VPS35L: variants seen among roughly 807,000 people sequenced by gnomAD.
VPS35L encodes VPS35 endosomal protein-sorting factor-like.
VPS35L carries 83 observed loss-of-function variants against 133.0 expected under a neutral mutation model. The ratio of observed to expected loss-of-function variants is 0.62; its 90% CI spans 0.52 to 0.75. The LOEUF (loss-of-function observed/expected upper bound fraction) is 0.75. Among genes scored for constraint, VPS35L ranks in the 30% least tolerant of loss-of-function variants. The probability of loss-of-function intolerance (pLI) is 0.00; values close to 1 mark genes in which losing one functional copy is unlikely to be tolerated. For synonymous variants in VPS35L, 423 were observed against 449.9 expected (o/e 0.94, Z 0.76); for missense variants, 1,083 against 1,206.8 (o/e 0.90, Z 1.52).
At chr16:19,605,808 T>G (rs937817740) in intron 9 of VPS35L, among the ~76,000 whole-genome samples, 2 of 152,216 alleles carry the variant, frequency 1.3e-5, no homozygotes, top group African/African-American at 4.8e-5. Flanking sequence ...TGTTAGATAT[T>G]ATCTTATTTG....
At chr16:19,687,008 T>C (rs1026946657) in intron 28 of VPS35L, among the ~76,000 whole-genome samples, 2 of 152,092 alleles carry the variant, frequency 1.3e-5, no homozygotes, top group Admixed American at 1.3e-4. Context: ...CTCAAATACC[T>C]CTGCACACTA....
chr16:19,588,061 A>G (rs1039270023), intron 7 of VPS35L, among the ~76,000 whole-genome samples: 2 of 151,102 alleles, frequency 1.3e-5, no homozygotes, highest in Non-Finnish European at 2.9e-5. Flanking sequence ...CGGCCTCCCA[A>G]AGTGCTGGGA....
At chr16:19,583,157 T>A (rs1971762077) in intron 7 of VPS35L, among the ~76,000 whole-genome samples, 2 of 152,192 alleles carry the variant, frequency 1.3e-5, no homozygotes, top group South Asian at 4.1e-4. Context: ...TTTTTTTTAC[T>A]TAACTTATAG....
At chr16:19,679,496 TTTATTTATTTATTTA>T (rs1975187945) in intron 27 of VPS35L, among the ~76,000 whole-genome samples, 4 of 143,728 alleles carry the variant, frequency 2.8e-5, no homozygotes, top group African/African-American at 1.1e-4. Flanking sequence ...TATTTATTTA[TTTATTTATTTATTTA>T]TTTATTTTTT....
chr16:19,575,267 G>T (rs1971494268), intron 5 of VPS35L, 145 bp downstream of exon 5: 5 of 759,352 alleles, frequency 6.6e-6, no homozygotes, highest in Non-Finnish European at 1.1e-5. Flanking sequence ...GATAGACGTA[G>T]AAATAAAATA....
At chr16:19,622,140 C>CTTTTTTTTT (rs60521137) in intron 14 of VPS35L, among the ~76,000 whole-genome samples, 3,518 of 107,678 alleles carry the variant, frequency 0.033, 156 homozygotes, top group East Asian at 0.076. Context: ...CCATGTATAT[C>CTTTTTTTTT]TTTTTTTTTT....
intron 26 of VPS35L, among the ~76,000 whole-genome samples, chr16:19,663,919 T>C (rs899779798): frequency 8.5e-5 from 13 of 152,098 alleles, no homozygotes; most frequent in Non-Finnish European, 1.9e-4. Context: ...TTGTGACATA[T>C]ATTTTGGAGT....
At chr16:19,693,999 A>G (rs1037682110) in intron 29 of VPS35L, 6 of 152,004 alleles carry the variant, frequency 3.9e-5, no homozygotes, top group Non-Finnish European at 7.3e-5. Context: ...AATAAAAGGG[A>G]ATAAGTTCTA....
chr16:19,617,989 G>A (rs1004334818), intron 14 of VPS35L: 1 of 150,700 alleles, frequency 6.6e-6, no homozygotes, highest in African/African-American at 2.4e-5. Flanking sequence ...TCAGGAGGCT[G>A]AGGCAGAGAA....
intron 3 of VPS35L, among the ~76,000 whole-genome samples, chr16:19,570,342 C>T (rs1037800819): frequency 1.3e-5 from 2 of 152,070 alleles, no homozygotes; most frequent in Non-Finnish European, 2.9e-5. Context: ...GGATTACAGG[C>T]GTGAGCCACT....
chr16:19,557,375 G>T (rs892808398), intron 1 of VPS35L, among the ~76,000 whole-genome samples: 1 of 152,048 alleles, frequency 6.6e-6, no homozygotes, highest in African/African-American at 2.4e-5. Flanking sequence ...TCCTAATATG[G>T]CCGTGCTCTA....
intron 18 of VPS35L, among the ~76,000 whole-genome samples, chr16:19,632,804 G>A (rs1973498600): frequency 1.3e-5 from 2 of 152,258 alleles, no homozygotes; most frequent in South Asian, 4.1e-4. Flanking sequence ...ACAGGCAGGT[G>A]GAGAGAGGCA....
Position 19,572,230 on chromosome 16 carries a change from C to T in VPS35L, c.286-889C>T, listed in dbSNP as rs577357894. 3.3e-5 allele frequency among the ~76,000 whole-genome samples: 5 copies of T among 152,240 alleles called. No individual in the cohort carries two copies. The East Asian group carries it at 9.7e-4, about 29-fold the overall frequency. ...GTCAGGAATTCGAGACCAGCCGGAC[C>T]AACGTGGTGAAACACCATCTCTACT... On this transcript the variant is annotated intron_variant, in intron 3 of 30. Coordinates refer to ENST00000417362, the MANE Select transcript of VPS35L (RefSeq NM_020314.7).
intron 29 of VPS35L, among the ~76,000 whole-genome samples, chr16:19,698,578 C>T (rs1036427330): frequency 6.6e-6 from 1 of 152,138 alleles, no homozygotes; most frequent in African/African-American, 2.4e-5. Context: ...TAGGAGTGTA[C>T]CTGCCACGGA....
At chr16:19,641,323 T>G (rs900031175) in intron 21 of VPS35L, among the ~76,000 whole-genome samples, 4 of 151,604 alleles carry the variant, frequency 2.6e-5, no homozygotes, top group Non-Finnish European at 4.4e-5. Flanking sequence ...CGCCTCGGCC[T>G]CCCAAAGTGC....
intron 23 of VPS35L, 143 bp downstream of exon 23, chr16:19,645,092 T>A (rs1307024055): frequency 1.8e-6 from 1 of 571,116 alleles, no homozygotes; most frequent in African/African-American, 1.9e-5. Context: ...ACATCTTACA[T>A]TAGCCAGGAC....
At position 19,622,084 on chromosome 16, in the gene VPS35L, G is replaced by A. The variant is rs547527630; in HGVS notation, c.1225-4093G>A. ...ACCCTCAGTGTCTGGAACAGTGGCT[G>A]GTATAGTCATCCCTTGGTATACTTA... On this transcript the variant is annotated intron_variant, in intron 14 of 30. Coordinates refer to ENST00000417362, the MANE Select transcript of VPS35L (RefSeq NM_020314.7). Among the ~76,000 whole-genome samples the A allele has an allele frequency of 9.9e-5, 15 of 151,032 alleles. No individual in the cohort carries two copies. In the South Asian group the frequency reaches 3.2e-3, roughly 32 times the overall value.
intron 8 of VPS35L, among the ~76,000 whole-genome samples, chr16:19,597,098 C>T (rs895346237): frequency 2.6e-5 from 4 of 151,868 alleles, no homozygotes; most frequent in African/African-American, 9.7e-5. Flanking sequence ...TGGTGACTCA[C>T]ACCTGTAATC....
rs779559790 is a variant in VPS35L at position 19,581,596 on chromosome 16, G to A, written c.582G>A (p.Ser194=). Reference sequence around the variant, plus strand: ...ACCGCATAGAGGAGCTCAACCAATCGCTGAAGGATGCCTGGGCCTCAGACC... The same window carrying A: ...ACCGCATAGAGGAGCTCAACCAATCACTGAAGGATGCCTGGGCCTCAGACC... ...YVNRIEELNQ[S]LKDAWASDQK... is the part of the protein sequence containing the mutation. Residue 194 remains serine (S), a synonymous_variant, in exon 7 of 31, where the codon TCG becomes TCA. Transcript: ENST00000417362. 7 of 1,613,936 alleles carry A rather than the reference G, an allele frequency of 4.3e-6. No homozygotes were observed. The highest frequency in any genetic ancestry group is 1.1e-5 in the South Asian group (1 of 91,084).
Sources: allele counts gnomAD v4.1 joint callset (sites outside exome capture counted in the v4.1 genomes callset), GRCh38; gene constraint gnomAD v4.1.1; transcripts MANE v1.5; gene names NCBI Gene and HGNC (gene_info 2026-07-23, HGNC 2026-07-21).